Variants in EIF4G3 observed in about 807,000 individuals in gnomAD.
EIF4G3 encodes eIF-4-gamma 3.
EIF4G3 carries 34 observed loss-of-function variants against 186.4 expected under a neutral mutation model. That is an observed-to-expected ratio of 0.18 (90% CI 0.14 to 0.24). The LOEUF (loss-of-function observed/expected upper bound fraction) is 0.24. Ranked by LOEUF, EIF4G3 falls within the 10% of genes least tolerant of loss-of-function variation. The pLI is 1.00. For missense variants in EIF4G3, 1,536 were observed against 1,948.5 expected, an observed-to-expected ratio of 0.79 and a Z score of 3.99; for synonymous variants, 673 against 679.5, an observed-to-expected ratio of 0.99 and a Z score of 0.15.
intron 7 of EIF4G3, among the ~76,000 whole-genome samples, chr1:20,987,896 C>T (rs1318376729): frequency 6.6e-6 from 1 of 152,194 alleles, no homozygotes; most frequent in Non-Finnish European, 1.5e-5. Flanking sequence ...CTGAAAGCTA[C>T]TTCAAAAGCC....
intron 2 of EIF4G3, among the ~76,000 whole-genome samples, chr1:21,170,066 T>C (rs1201251226): frequency 6.6e-6 from 1 of 152,078 alleles, no homozygotes; most frequent in Non-Finnish European, 1.5e-5. Flanking sequence ...TCCCAGCTAC[T>C]CTAGAGGCTG....
chr1:21,008,998 T>A (rs2086157181), intron 4 of EIF4G3, among the ~76,000 whole-genome samples: 1 of 152,208 alleles, frequency 6.6e-6, no homozygotes, highest in Admixed American at 6.5e-5. Flanking sequence ...TAGATGCAAA[T>A]CTATCTCTAT....
intron 19 of EIF4G3, among the ~76,000 whole-genome samples, chr1:20,882,494 G>A (rs2154554479): frequency 6.6e-6 from 1 of 151,892 alleles, no homozygotes; most frequent in Admixed American, 6.6e-5. Context: ...GGTGGGGCAT[G>A]CCTGTAGTCC....
intron 2 of EIF4G3, among the ~76,000 whole-genome samples, chr1:21,092,112 G>A (rs1488461459): frequency 6.6e-6 from 1 of 152,146 alleles, no homozygotes; most frequent in African/African-American, 2.4e-5. Flanking sequence ...CATTCAGTAT[G>A]ATATTGGCTG....
chr1:20,847,808 C>G (rs1181951199), intron 29 of EIF4G3: 1 of 471,756 alleles, frequency 2.1e-6, no homozygotes, highest in South Asian at 1.5e-5. Context: ...GCACTCACCT[C>G]CACCTCACTC....
chr1:20,900,033 G>C (rs2089746623), intron 15 of EIF4G3, 90 bp from the exon 16 acceptor site: 7 of 1,279,938 alleles, frequency 5.5e-6, no homozygotes, highest in Admixed American at 2.3e-5. Context: ...AAAAAGCAAA[G>C]GAAAACATGT....
chr1:21,148,494 A>G (rs1204571616), intron 2 of EIF4G3, among the ~76,000 whole-genome samples: 1 of 152,092 alleles, frequency 6.6e-6, no homozygotes, highest in Non-Finnish European at 1.5e-5. Context: ...CGAGGTCAGG[A>G]GATCGAGACC....
intron 13 of EIF4G3, among the ~76,000 whole-genome samples, chr1:20,945,600 A>G (rs1050259367): frequency 6.6e-6 from 1 of 152,040 alleles, no homozygotes; most frequent in Non-Finnish European, 1.5e-5. Flanking sequence ...CAAGTATCTG[A>G]GACCACATGT....
chr1:21,030,237 G>A (rs530051432), intron 4 of EIF4G3, among the ~76,000 whole-genome samples: 2 of 152,300 alleles, frequency 1.3e-5, no homozygotes, highest in Admixed American at 1.3e-4. Context: ...GTTTGGCTCT[G>A]TGTCTCCACC....
Position 20,984,227 on chromosome 1 carries a change from C to T in EIF4G3, c.178-1819G>A, listed in dbSNP as rs140064222. Among the ~76,000 whole-genome samples, 1,091 of 150,368 alleles carry T rather than the reference C, an allele frequency of 7.3e-3. 8 individuals carry two copies. The highest frequency in any genetic ancestry group is 0.039 in the South Asian group (182 of 4,718). ...TGTCGCCCAGGCTGGAGTGCAGTGG[C>T]TGATCTTGGCTCACTGCAACCTCCA... On this transcript the variant is annotated intron_variant, in intron 7 of 36. Transcript: ENST00000602326.
chr1:21,035,600 G>T (rs1314182824), intron 4 of EIF4G3, among the ~76,000 whole-genome samples: 1 of 152,250 alleles, frequency 6.6e-6, no homozygotes, highest in Non-Finnish European at 1.5e-5. Context: ...CTGACCCGCT[G>T]GGTCCCTTCC....
intron 12 of EIF4G3, among the ~76,000 whole-genome samples, chr1:20,950,418 C>T (rs2096157453): frequency 6.6e-6 from 1 of 152,102 alleles, no homozygotes; most frequent in South Asian, 2.1e-4. Context: ...TAAGGACAAG[C>T]CGACTTGTCA....
intron 14 of EIF4G3, 103 bp downstream of exon 14, chr1:20,941,388 C>T (rs767334205): frequency 1.7e-5 from 28 of 1,610,528 alleles, no homozygotes; most frequent in South Asian, 2.2e-5. Flanking sequence ...AGCATTCATT[C>T]GATGTTTCTG....
At chr1:20,825,366 T>C (rs994939637) in intron 32 of EIF4G3, among the ~76,000 whole-genome samples, 168 bp from the exon 33 acceptor site, 1 of 151,700 alleles carries the variant, frequency 6.6e-6, no homozygotes, top group African/African-American at 2.4e-5. Context: ...TAGTCCTAGC[T>C]ACTAGGGAGG....
At chr1:21,036,632 C>A (rs1571441279) in intron 4 of EIF4G3, among the ~76,000 whole-genome samples, 1 of 152,144 alleles carries the variant, frequency 6.6e-6, no homozygotes, top group South Asian at 2.1e-4. Context: ...GTAATCCCAA[C>A]ACTTTGGGAG....
At position 20,810,985 on chromosome 1, in the gene EIF4G3, T is replaced by A. The variant is rs188958453; in HGVS notation, c.4598-101A>T. The A allele has an allele frequency of 2.5e-6, 3 of 1,205,784 alleles. No individual in the cohort carries two copies. The highest frequency in any genetic ancestry group is 1.5e-5 in the African/African-American group (1 of 65,166). 74.7% of individuals were successfully genotyped at this position (1,205,784 alleles called of 1,614,324 possible). ...CTTTTTTTGAGACAGAGCCTCACTC[T>A]ATTGCCCAGGCTGGAGTGCAGTGGC... On this transcript the variant is annotated intron_variant, in intron 35 of 36. Coordinates refer to ENST00000602326, the MANE Select transcript of EIF4G3 (RefSeq NM_001391906.1). The surrounding 1 kb of genome is among the most constrained non-coding windows in gnomAD (Gnocchi z 4.1).
In EIF4G3 at chr1:20,817,547, TA is replaced by T. The variant is rs752771096; in HGVS notation, c.4369-10del. 4.5e-6 allele frequency: 7 copies of T among 1,557,608 alleles called. No homozygotes were observed. The highest frequency in any genetic ancestry group is 1.2e-5 in the South Asian group (1 of 82,144). The stretch of plus-strand genomic sequence containing the variant: ...TCTATGAAGTCCAACTTCTGAAACA[TA>T]AAAGGTGGAACATATTAATATATTA... On this transcript the variant is annotated splice_polypyrimidine_tract_variant and intron_variant, in intron 33 of 36. Transcript: ENST00000602326.
chr1:21,141,188 C>A (rs1325194817), intron 2 of EIF4G3, among the ~76,000 whole-genome samples: 1 of 152,074 alleles, frequency 6.6e-6, no homozygotes, highest in Non-Finnish European at 1.5e-5. Flanking sequence ...TGCCCAAGGT[C>A]ATACTACATA....
intron 2 of EIF4G3, among the ~76,000 whole-genome samples, chr1:21,096,733 G>A (rs527285366): frequency 6.6e-6 from 1 of 152,298 alleles, no homozygotes; most frequent in African/African-American, 2.4e-5. Context: ...AAGACTAACT[G>A]AATGCTACTC....
Sources: allele counts gnomAD v4.1 joint callset (sites outside exome capture counted in the v4.1 genomes callset), GRCh38; gene constraint gnomAD v4.1.1; non-coding constraint Gnocchi (gnomAD v3.1); transcripts MANE v1.5; gene names NCBI Gene and HGNC (gene_info 2026-07-23, HGNC 2026-07-21).